Variants in FBXL17 observed in about 807,000 individuals in gnomAD.
FBXL17 encodes F-box/LRR-repeat protein 17.
In FBXL17, 22 loss-of-function variants were observed where a neutral mutation model predicts 66.2. The observed-to-expected ratio is 0.33, with a 90% confidence interval of 0.24 to 0.47. The LOEUF is 0.47. Among genes scored for constraint, FBXL17 ranks in the 20% least tolerant of loss-of-function variants. The pLI, the probability that FBXL17 is intolerant of heterozygous loss-of-function variation, is 1.00. For synonymous variants in FBXL17, 474 were observed against 400.5 expected (o/e 1.18, Z -2.19); for missense variants, 878 against 948.2 (o/e 0.93, Z 0.97).
At chr5:108,102,310 A>C (rs2149942242) in intron 6 of FBXL17, among the ~76,000 whole-genome samples, 1 of 152,296 alleles carries the variant, frequency 6.6e-6, no homozygotes, top group African/African-American at 2.4e-5. Context: ...AATATAACTT[A>C]TTACAAATTT....
chr5:108,209,651 G>C (rs561144093), intron 5 of FBXL17, among the ~76,000 whole-genome samples: 1 of 152,176 alleles, frequency 6.6e-6, no homozygotes, highest in Admixed American at 6.5e-5. Context: ...TGCATCCAAG[G>C]AGTGAAGCCG....
At position 108,336,572 on chromosome 5, in the gene FBXL17, T is replaced by C. The variant is rs1430763442; in HGVS notation, c.1506+11827A>G. On this transcript the variant is annotated intron_variant, in intron 4 of 8. Coordinates refer to ENST00000542267, the MANE Select transcript of FBXL17 (RefSeq NM_001163315.3). ...GTACAACCATGTGAATGAAAATATA[T>C]AACAGGTAATCTGTAATAAAATATA... Among the ~76,000 whole-genome samples, 4 of 152,114 alleles carry C rather than the reference T, an allele frequency of 2.6e-5. No individual in the cohort carries two copies. In the South Asian group the frequency reaches 8.3e-4, roughly 31 times the overall value.
chr5:108,368,024 G>A (rs978667385), intron 1 of FBXL17, 71 bp from the exon 2 acceptor site: 5 of 1,376,476 alleles, frequency 3.6e-6, no homozygotes, highest in Non-Finnish European at 4.9e-6. Context: ...GTTTTTATTA[G>A]TTAGAAAAAG....
intron 6 of FBXL17, among the ~76,000 whole-genome samples, chr5:108,057,639 T>G (rs996681652): frequency 6.6e-6 from 1 of 152,162 alleles, no homozygotes; most frequent in Non-Finnish European, 1.5e-5. Context: ...ATGAAAGAAC[T>G]TGTATACAAA....
intron 7 of FBXL17, among the ~76,000 whole-genome samples, chr5:107,920,168 A>G (rs10463584): frequency 0.15 from 22,478 of 152,174 alleles, 1,757 homozygotes; most frequent in Middle Eastern, 0.24. Context: ...CCAAAGTGAC[A>G]GGGCCAATCA....
chr5:108,162,730 T>C lies in FBXL17; in HGVS notation c.1745+23387A>G, dbSNP rs150716339. Reference sequence around the variant, plus strand: ...AATCTCTAGTGCCTTGGTTCTCTCATTTGAAAACTGGGCACAATAACAGTA... The same window carrying C: ...AATCTCTAGTGCCTTGGTTCTCTCACTTGAAAACTGGGCACAATAACAGTA... On this transcript the variant is annotated intron_variant, in intron 6 of 8. Coordinates refer to ENST00000542267, the MANE Select transcript of FBXL17 (RefSeq NM_001163315.3). 1.5e-3 allele frequency among the ~76,000 whole-genome samples: 230 copies of C among 152,334 alleles called. 1 individual carries two copies. Among genetic ancestry groups the C allele is most frequent in the African/African-American group, 5.3e-3 (222 of 41,578 alleles).
At chr5:107,901,977 G>C (rs1474974051) in intron 7 of FBXL17, among the ~76,000 whole-genome samples, 2 of 152,186 alleles carry the variant, frequency 1.3e-5, no homozygotes, top group African/African-American at 4.8e-5. Flanking sequence ...TTCTTCAAGA[G>C]AGACTTGAAA....
intron 6 of FBXL17, among the ~76,000 whole-genome samples, chr5:108,048,442 G>C (rs1476820618): frequency 6.6e-6 from 1 of 152,126 alleles, no homozygotes; most frequent in African/African-American, 2.4e-5. Context: ...TTACAGAACT[G>C]GGCAGAAGAT....
At position 108,329,548 on chromosome 5, in the gene FBXL17, T is replaced by C. The variant is rs979373676; in HGVS notation, c.1506+18851A>G. Among the ~76,000 whole-genome samples the C allele has an allele frequency of 6.6e-5, 10 of 152,284 alleles. No individual in the cohort carries two copies. The South Asian group carries it at 8.3e-4, about 13-fold the overall frequency. Reference sequence around the variant, plus strand: ...AATAATGCCAAAACTCAATTCACTTTATTTAATTCTTCAAGTACTGGTACC... The same window carrying C: ...AATAATGCCAAAACTCAATTCACTTCATTTAATTCTTCAAGTACTGGTACC... On this transcript the variant is annotated intron_variant, in intron 4 of 8. Transcript: ENST00000542267.
chr5:107,938,750 T>C (rs1036725883), intron 7 of FBXL17, among the ~76,000 whole-genome samples: 1 of 152,174 alleles, frequency 6.6e-6, no homozygotes, highest in African/African-American at 2.4e-5. Flanking sequence ...TATATTTCCA[T>C]AAACATATCT....
intron 8 of FBXL17, among the ~76,000 whole-genome samples, chr5:107,872,127 G>A (rs1318458028): frequency 1.3e-5 from 2 of 152,170 alleles, no homozygotes; most frequent in African/African-American, 2.4e-5. Flanking sequence ...TAATGTGATC[G>A]GTAAATCCGT....
At position 107,944,758 on chromosome 5, in the gene FBXL17, C is replaced by T. The variant is rs566783853; in HGVS notation, c.1823-63579G>A. 1.2e-4 allele frequency among the ~76,000 whole-genome samples: 18 copies of T among 151,990 alleles called. No homozygotes were observed. In the East Asian group the frequency reaches 1.5e-3, roughly 13 times the overall value. On this transcript the variant is annotated intron_variant, in intron 7 of 8. Coordinates refer to ENST00000542267, the MANE Select transcript of FBXL17 (RefSeq NM_001163315.3). ...AAAAAAGAATGGACTACTCAATAAA[C>T]GTATATCCAATTTTTTAAAAGACTA...
chr5:108,362,740 A>G (rs918291955), intron 3 of FBXL17, among the ~76,000 whole-genome samples: 3 of 152,136 alleles, frequency 2.0e-5, no homozygotes, highest in African/African-American at 7.2e-5. Context: ...TTGAAATGCT[A>G]TAAGCAACTG....
At chr5:107,922,563 C>T (rs1389133626) in intron 7 of FBXL17, among the ~76,000 whole-genome samples, 5 of 152,124 alleles carry the variant, frequency 3.3e-5, no homozygotes, top group Non-Finnish European at 7.4e-5. Flanking sequence ...TAGCTGCACC[C>T]AATTTCTTAA....
intron 6 of FBXL17, among the ~76,000 whole-genome samples, chr5:108,184,665 A>G (rs1163320926): frequency 1.4e-5 from 2 of 144,780 alleles, no homozygotes; most frequent in Non-Finnish European, 1.5e-5. Context: ...AATCCCTTGA[A>G]CCCAGGAGGT....
chr5:107,859,390 G>GTTTTTTT lies in FBXL17; in HGVS notation c.*2323_*2329dup, dbSNP rs549840338. ...CTCAAGGTGATGCTTTTTTCTGGCT[G>GTTTTTTT]TTTTTTTTTTTTTTTTTTTTTTTTT... is the stretch of plus-strand genomic sequence containing the variant. On this transcript the variant is annotated 3_prime_UTR_variant, in exon 9 of 9. Coordinates refer to ENST00000542267, the MANE Select transcript of FBXL17 (RefSeq NM_001163315.3). The GTTTTTTT allele has an allele frequency of 1.8e-3, 108 of 60,180 alleles. 3 individuals are homozygous for GTTTTTTT. Among genetic ancestry groups the GTTTTTTT allele is most frequent in the South Asian group, 2.7e-3 (3 of 1,128 alleles). The allele number at this position is 60,180 out of a possible 1,614,324, so 3.7% of individuals were successfully genotyped here.
chr5:108,282,485 C>T (rs1385279517), intron 4 of FBXL17, among the ~76,000 whole-genome samples: 1 of 151,588 alleles, frequency 6.6e-6, no homozygotes, highest in Non-Finnish European at 1.5e-5. Context: ...GATAAAAACC[C>T]TAACAAAACA....
chr5:108,319,386 G>A (rs1390024176), intron 4 of FBXL17, among the ~76,000 whole-genome samples: 1 of 151,740 alleles, frequency 6.6e-6, no homozygotes. Context: ...TTGTAATTTG[G>A]TTGGGACAAG....
chr5:107,906,943 C>T (rs1749781312), intron 7 of FBXL17, among the ~76,000 whole-genome samples: 1 of 152,166 alleles, frequency 6.6e-6, no homozygotes, highest in African/African-American at 2.4e-5. Flanking sequence ...AGTTTCCATT[C>T]CGCATGGCAA....
Sources: gnomAD v4.1 joint callset for allele counts (sites outside exome capture counted in the v4.1 genomes callset) on GRCh38, gnomAD v4.1.1 for gene constraint, MANE v1.5 for transcripts, NCBI Gene and HGNC (gene_info 2026-07-23, HGNC 2026-07-21) for gene names.